Variants in FIRRM observed in about 807,000 individuals in gnomAD.
FIRRM encodes the protein FIGNL1-interacting regulator of recombination and mitosis.
At chr1:169,823,551 T>C in the FIRRM span, 62,500 of 771,180 alleles carry the variant, frequency 0.081, 2,911 homozygotes, top group Non-Finnish European at 0.098. Context: ...TACCATTTTA[T>C]GATAAAACAG....
chr1:169,843,749 G>A, the FIRRM span: 1 of 1,604,364 alleles, frequency 6.2e-7, no homozygotes, highest in African/African-American at 1.3e-5. Flanking sequence ...TCAAACTCTA[G>A]ATCCTAAACT....
chr1:169,840,672 G>A, the FIRRM span, among the ~76,000 whole-genome samples: 6 of 151,634 alleles, frequency 4.0e-5, no homozygotes, highest in African/African-American at 9.7e-5. Context: ...CAACACGCCC[G>A]GCTAATTTTT....
At chr1:169,797,538 G>T in the FIRRM span, among the ~76,000 whole-genome samples, 5 of 152,088 alleles carry the variant, frequency 3.3e-5, no homozygotes, top group Non-Finnish European at 7.4e-5. Flanking sequence ...ACTGTGGTAG[G>T]ACTATGGGTT....
At chr1:169,798,931 C>T in the FIRRM span, 4 of 1,331,034 alleles carry the variant, frequency 3.0e-6, no homozygotes, top group Non-Finnish European at 3.1e-6. Flanking sequence ...ATTGTCTCAA[C>T]ATTCTGACAG....
At chr1:169,842,095 G>A in the FIRRM span, among the ~76,000 whole-genome samples, 1 of 151,170 alleles carries the variant, frequency 6.6e-6, no homozygotes, top group African/African-American at 2.4e-5. Flanking sequence ...AGAATCGCTC[G>A]AACCTGGGAG....
At chr1:169,821,630 A>T in the FIRRM span, 3 of 1,344,520 alleles carry the variant, frequency 2.2e-6, no homozygotes, top group Admixed American at 6.7e-5. Flanking sequence ...AGCTAATTTT[A>T]TATTCTTTTC....
At chr1:169,832,630 T>A in the FIRRM span, 3 of 667,032 alleles carry the variant, frequency 4.5e-6, no homozygotes, top group South Asian at 3.9e-5. Flanking sequence ...TGAGACAGAG[T>A]CTCGCTCTGT....
chr1:169,801,445 CAAAAA>C, the FIRRM span, among the ~76,000 whole-genome samples: 3 of 61,722 alleles, frequency 4.9e-5, no homozygotes, highest in Non-Finnish European at 6.6e-5. Context: ...TGCTCCGTCT[CAAAAA>C]AAAAAAAAAA....
the FIRRM span, among the ~76,000 whole-genome samples, chr1:169,840,660 G>A: frequency 9.3e-3 from 1,405 of 151,864 alleles, 11 homozygotes; most frequent in South Asian, 0.02. Context: ...ACAGGTGCCC[G>A]CCAACACGCC....
chr1:169,829,500 T>C, the FIRRM span: 1 of 1,488,466 alleles, frequency 6.7e-7, no homozygotes, highest in African/African-American at 1.4e-5. Flanking sequence ...TTGCTTTCTC[T>C]TCATTGAAAT....
the FIRRM span, among the ~76,000 whole-genome samples, chr1:169,815,378 G>A: frequency 1.8e-4 from 28 of 151,922 alleles, no homozygotes; most frequent in Admixed American, 3.3e-4. Context: ...CCACTTTTAT[G>A]GCCATTTCCT....
At chr1:169,790,239 G>A in the FIRRM span, among the ~76,000 whole-genome samples, 3 of 151,828 alleles carry the variant, frequency 2.0e-5, no homozygotes, top group Non-Finnish European at 2.9e-5. Flanking sequence ...GGGCAATGGC[G>A]CGATCTCGGC....
At chr1:169,835,344 A>G in the FIRRM span, among the ~76,000 whole-genome samples, 2 of 152,174 alleles carry the variant, frequency 1.3e-5, no homozygotes. Context: ...AAATCACATT[A>G]TTTCTTTTAG....
the FIRRM span, among the ~76,000 whole-genome samples, chr1:169,806,282 T>C: frequency 6.6e-6 from 1 of 152,210 alleles, no homozygotes; most frequent in African/African-American, 2.4e-5. Flanking sequence ...CTGTGGCCTC[T>C]AAAATTAAAA....
chr1:169,829,555 C>T, the FIRRM span: 3 of 1,045,270 alleles, frequency 2.9e-6, no homozygotes, highest in Non-Finnish European at 4.0e-6. Context: ...TTAGTATATT[C>T]CTTTTGAGTG....
the FIRRM span, among the ~76,000 whole-genome samples, chr1:169,825,364 A>G: frequency 0.014 from 2,073 of 152,226 alleles, 34 homozygotes; most frequent in Non-Finnish European, 0.022. Flanking sequence ...AACCTCTGCT[A>G]TATTATGTAT....
the FIRRM span, among the ~76,000 whole-genome samples, chr1:169,846,532 G>C: frequency 6.6e-6 from 1 of 152,308 alleles, no homozygotes; most frequent in South Asian, 2.1e-4. Context: ...ATCTTAGCCA[G>C]ATCTTCTGGA....
chr1:169,851,105 GA>G, the FIRRM span: 1 of 97,172 alleles, frequency 1.0e-5, no homozygotes, highest in Non-Finnish European at 1.9e-5. Context: ...TTGCAGCCAA[GA>G]CCTGTTTTTA....
the FIRRM span, chr1:169,795,597 C>T: frequency 9.9e-7 from 1 of 1,013,140 alleles, no homozygotes; most frequent in Non-Finnish European, 1.2e-6. Context: ...AGCTCTGGCT[C>T]TTAATAGTTT....
Sources: allele counts gnomAD v4.1 joint callset (sites outside exome capture counted in the v4.1 genomes callset), GRCh38; gene constraint gnomAD v4.1.1; transcripts MANE v1.5; gene names NCBI Gene and HGNC (gene_info 2026-07-23, HGNC 2026-07-21).